The following KCTD16 variants were observed in gnomAD, a reference collection of about 807,000 sequenced individuals.
KCTD16 encodes BTB/POZ domain-containing protein KCTD16.
A neutral mutation model predicts 33.2 loss-of-function variants in KCTD16; 13 were observed. That is an observed-to-expected ratio of 0.39 (90% CI 0.25 to 0.62). The LOEUF (loss-of-function observed/expected upper bound fraction) is 0.62, where lower values mean the gene tolerates loss of function less well. Among genes scored for constraint, KCTD16 ranks in the 20% least tolerant of loss-of-function variants. The pLI, the probability that KCTD16 is intolerant of heterozygous loss-of-function variation, is 0.50. For synonymous variants in KCTD16, 197 were observed against 195.3 expected (o/e 1.01, Z -0.07); for missense variants, 441 against 525.1 (o/e 0.84, Z 1.57).
At chr5:144,433,226 T>G (rs1026884916) in intron 3 of KCTD16, among the ~76,000 whole-genome samples, 8 of 152,132 alleles carry the variant, frequency 5.3e-5, no homozygotes, top group Non-Finnish European at 1.0e-4. Flanking sequence ...GTTTTCTAGC[T>G]TTGGATAGGG....
intron 3 of KCTD16, among the ~76,000 whole-genome samples, chr5:144,433,907 T>G (rs1753521528): frequency 6.6e-6 from 1 of 152,180 alleles, no homozygotes; most frequent in African/African-American, 2.4e-5. Context: ...GATAATGCAT[T>G]CTGTGAGGCA....
chr5:144,433,296 A>C (rs1384390085), intron 3 of KCTD16, among the ~76,000 whole-genome samples: 1 of 152,246 alleles, frequency 6.6e-6, no homozygotes, highest in East Asian at 1.9e-4. Context: ...GTGCAGCGAT[A>C]AACTGCAACT....
intron 3 of KCTD16, among the ~76,000 whole-genome samples, chr5:144,429,585 T>C (rs963334679): frequency 2.6e-5 from 4 of 152,096 alleles, no homozygotes; most frequent in Non-Finnish European, 5.9e-5. Flanking sequence ...TAGGCTATGA[T>C]TGGCAAGGTC....
chr5:144,361,280 C>T (rs949866933), intron 3 of KCTD16, among the ~76,000 whole-genome samples: 2 of 152,038 alleles, frequency 1.3e-5, no homozygotes, highest in Admixed American at 1.3e-4. Flanking sequence ...TGGGTGTATA[C>T]CTAGTAATGG....
In KCTD16 at chr5:144,466,997, T is replaced by TTA. The variant is rs1321727611; in HGVS notation, c.833-6655_833-6654dup. 3.2e-4 allele frequency among the ~76,000 whole-genome samples: 15 copies of TTA among 47,224 alleles called. No individual in the cohort carries two copies. In the South Asian group the frequency reaches 8.3e-3, roughly 26 times the overall value. 31.0% of individuals were successfully genotyped at this position (47,224 alleles called of 152,430 possible). On this transcript the variant is annotated intron_variant, in intron 3 of 3. Coordinates refer to ENST00000512467, the MANE Select transcript of KCTD16 (RefSeq NM_020768.4). ...TATAATATATATAACACTATATATA[T>TTA]TATATATATTATATATAATATATAT...
chr5:144,316,976 C>A (rs969974267), intron 3 of KCTD16, among the ~76,000 whole-genome samples: 1 of 151,420 alleles, frequency 6.6e-6, no homozygotes, highest in Admixed American at 6.6e-5. Flanking sequence ...TACAGGTGCA[C>A]GCCACAACGC....
chr5:144,284,303 A>G (rs1231382311), intron 3 of KCTD16, among the ~76,000 whole-genome samples: 1 of 152,212 alleles, frequency 6.6e-6, no homozygotes, highest in Non-Finnish European at 1.5e-5. Context: ...GAGGTCCTGC[A>G]GGCATAGGAA....
chr5:144,427,253 G>T (rs1753352981), intron 3 of KCTD16, among the ~76,000 whole-genome samples: 1 of 151,958 alleles, frequency 6.6e-6, no homozygotes, highest in African/African-American at 2.4e-5. Context: ...GAATTAAGCG[G>T]GGGGAGGGGG....
intron 3 of KCTD16, among the ~76,000 whole-genome samples, chr5:144,289,848 T>C (rs765423009): frequency 6.6e-6 from 1 of 151,996 alleles, no homozygotes; most frequent in Non-Finnish European, 1.5e-5. Flanking sequence ...TAAATTAAAC[T>C]CTTATTTCTG....
chr5:144,374,181 C>G (rs1752035678), intron 3 of KCTD16, among the ~76,000 whole-genome samples: 1 of 152,116 alleles, frequency 6.6e-6, no homozygotes, highest in Admixed American at 6.6e-5. Context: ...TTTGTGGGGG[C>G]CATTATTCGG....
chr5:144,453,882 T>C (rs1283628156), intron 3 of KCTD16, among the ~76,000 whole-genome samples: 1 of 152,170 alleles, frequency 6.6e-6, no homozygotes, highest in East Asian at 1.9e-4. Context: ...CCCTTTGTAA[T>C]AGTTAATTTC....
intron 3 of KCTD16, among the ~76,000 whole-genome samples, chr5:144,216,848 A>C (rs1188018590): frequency 6.8e-6 from 1 of 146,922 alleles, no homozygotes; most frequent in Non-Finnish European, 1.5e-5. Context: ...TGTCTGGAAA[A>C]AAAAAAAAAA....
At chr5:144,312,467 T>A (rs1419660537) in intron 3 of KCTD16, among the ~76,000 whole-genome samples, 1 of 152,210 alleles carries the variant, frequency 6.6e-6, no homozygotes, top group Non-Finnish European at 1.5e-5. Context: ...GAGCTGCCTG[T>A]ACTTGTGGAA....
chr5:144,177,494 G>T (rs1752532342), intron 2 of KCTD16, among the ~76,000 whole-genome samples: 1 of 152,132 alleles, frequency 6.6e-6, no homozygotes, highest in Non-Finnish European at 1.5e-5. Flanking sequence ...TCCTTCTCAG[G>T]GCTGTGAGGG....
chr5:144,299,846 C>T (rs1471051875), intron 3 of KCTD16, among the ~76,000 whole-genome samples: 1 of 148,508 alleles, frequency 6.7e-6, no homozygotes, highest in African/African-American at 2.5e-5. Flanking sequence ...ACTCATTGTC[C>T]AGGACCAAAG....
intron 3 of KCTD16, among the ~76,000 whole-genome samples, chr5:144,390,772 G>C (rs1752431959): frequency 6.6e-6 from 1 of 151,974 alleles, no homozygotes; most frequent in African/African-American, 2.4e-5. Context: ...TGAGAACATG[G>C]GGTGTTCGGT....
chr5:144,276,631 C>T (rs141517326), intron 3 of KCTD16, among the ~76,000 whole-genome samples: 14 of 152,296 alleles, frequency 9.2e-5, no homozygotes, highest in African/African-American at 2.4e-4. Flanking sequence ...TCGCCGGGCA[C>T]GATGGCTCAC....
At chr5:144,437,699 T>G (rs1753610359) in intron 3 of KCTD16, among the ~76,000 whole-genome samples, 1 of 152,172 alleles carries the variant, frequency 6.6e-6, no homozygotes, top group Admixed American at 6.6e-5. Flanking sequence ...TTTTTCCTAT[T>G]TTTTTATGAA....
chr5:144,343,614 T>A (rs1326435318), intron 3 of KCTD16, among the ~76,000 whole-genome samples: 41 of 152,062 alleles, frequency 2.7e-4, no homozygotes, highest in Admixed American at 2.7e-3. Flanking sequence ...TTTCTTGCCT[T>A]CTGCTAGCTT....
Sources: allele counts gnomAD v4.1 joint callset (sites outside exome capture counted in the v4.1 genomes callset), GRCh38; gene constraint gnomAD v4.1.1; transcripts MANE v1.5; gene names NCBI Gene and HGNC (gene_info 2026-07-23, HGNC 2026-07-21).